Variants in BCKDHB observed in about 807,000 individuals in gnomAD.
The protein encoded by BCKDHB is 2-oxoisovalerate dehydrogenase subunit beta, mitochondrial.
Under a neutral mutation model 48.5 loss-of-function variants are expected in BCKDHB, and 41 were observed. The ratio of observed to expected loss-of-function variants is 0.85; its 90% CI spans 0.66 to 1.10. The LOEUF (loss-of-function observed/expected upper bound fraction) is 1.10, where lower values mean the gene tolerates loss of function less well. Ranked by LOEUF, BCKDHB falls within the 50% of genes least tolerant of loss-of-function variation. BCKDHB has a pLI of 0.00. For missense variants in BCKDHB, 496 were observed against 494.2 expected (o/e 1.00, Z -0.03); for synonymous variants, 201 against 174.8 (o/e 1.15, Z -1.18).
the BCKDHB span, among the ~76,000 whole-genome samples, chr6:80,354,205 A>T: frequency 0.21 from 31,187 of 151,524 alleles, 3,711 homozygotes; most frequent in South Asian, 0.37. Flanking sequence ...TTTAATTATA[A>T]CCCATTTGTC....
chr6:80,231,693 G>A (rs1775930522), intron 8 of BCKDHB, among the ~76,000 whole-genome samples: 1 of 152,182 alleles, frequency 6.6e-6, no homozygotes, highest in Non-Finnish European at 1.5e-5. Context: ...GGGGCCAGGC[G>A]CAGTGGCTTA....
At chr6:80,129,968 G>C (rs531130950) in intron 3 of BCKDHB, among the ~76,000 whole-genome samples, 99 of 152,136 alleles carry the variant, frequency 6.5e-4, no homozygotes, top group Non-Finnish European at 1.3e-3. Flanking sequence ...TGGTCAAGTT[G>C]ACATATAATG....
the BCKDHB span, among the ~76,000 whole-genome samples, chr6:80,444,619 C>A: frequency 1.3e-5 from 2 of 152,120 alleles, no homozygotes; most frequent in Non-Finnish European, 2.9e-5. Flanking sequence ...GTCTTCATCC[C>A]AGCAGGTGCA....
the BCKDHB span, among the ~76,000 whole-genome samples, chr6:80,397,115 T>TA: frequency 1.3e-5 from 2 of 152,190 alleles, no homozygotes; most frequent in African/African-American, 2.4e-5. Context: ...TATTATAATT[T>TA]ACCTGAGTTT....
chr6:80,144,896 T>C (rs1198860765), intron 3 of BCKDHB, among the ~76,000 whole-genome samples: 1 of 152,138 alleles, frequency 6.6e-6, no homozygotes, highest in Non-Finnish European at 1.5e-5. Flanking sequence ...TAAATTGTCT[T>C]GTAGCAGTAT....
chr6:80,152,575 G>A (rs900961949), intron 3 of BCKDHB, among the ~76,000 whole-genome samples: 3 of 152,138 alleles, frequency 2.0e-5, no homozygotes, highest in African/African-American at 7.2e-5. Context: ...TTTCATTCAT[G>A]ACAGGGTGAT....
chr6:80,367,875 T>C, the BCKDHB span, among the ~76,000 whole-genome samples: 1 of 152,260 alleles, frequency 6.6e-6, no homozygotes, highest in Non-Finnish European at 1.5e-5. Flanking sequence ...CTCATGCATG[T>C]GGTCCATTGC....
rs573111477 is a variant in BCKDHB at position 80,133,609 on chromosome 6, G to A, written c.343+4380G>A. 5.3e-5 allele frequency among the ~76,000 whole-genome samples: 8 copies of A among 152,168 alleles called. No homozygotes were observed. The South Asian group carries it at 1.7e-3, about 32-fold the overall frequency. On this transcript the variant is annotated intron_variant, in intron 3 of 9. Coordinates refer to ENST00000320393, the MANE Select transcript of BCKDHB (RefSeq NM_183050.4). ...TAAAGGTAGTTGATTTGTAGGGTAT[G>A]TGTGATTTTATGTTGAATGCCACAC... is the stretch of plus-strand genomic sequence containing the variant.
chr6:80,447,563 G>T, the BCKDHB span, among the ~76,000 whole-genome samples: 1 of 151,878 alleles, frequency 6.6e-6, no homozygotes, highest in East Asian at 1.9e-4. Flanking sequence ...TTAAGATAAT[G>T]AGCATATTCA....
chr6:80,196,869 T>TA (rs1774154310), intron 6 of BCKDHB, among the ~76,000 whole-genome samples: 1 of 152,150 alleles, frequency 6.6e-6, no homozygotes, highest in African/African-American at 2.4e-5. Flanking sequence ...CAATATACAT[T>TA]AAAAAAATCT....
the BCKDHB span, among the ~76,000 whole-genome samples, chr6:80,353,040 C>A: frequency 6.6e-6 from 1 of 152,196 alleles, no homozygotes; most frequent in African/African-American, 2.4e-5. Context: ...AGTGATTTCT[C>A]ATCATTCACT....
At chr6:80,323,296 C>T (rs1768844285) in intron 9 of BCKDHB, among the ~76,000 whole-genome samples, 1 of 151,986 alleles carries the variant, frequency 6.6e-6, no homozygotes, top group Admixed American at 6.6e-5. Context: ...CTATTAATGC[C>T]TTTTGAAGTA....
chr6:80,233,975 G>T (rs569138166), intron 8 of BCKDHB, among the ~76,000 whole-genome samples: 1 of 151,876 alleles, frequency 6.6e-6, no homozygotes, highest in East Asian at 2.0e-4. Flanking sequence ...ATGGTTTCGA[G>T]ATGAAACTGT....
chr6:80,457,589 C>G, the BCKDHB span, among the ~76,000 whole-genome samples: 1 of 152,202 alleles, frequency 6.6e-6, no homozygotes, highest in Admixed American at 6.5e-5. Flanking sequence ...CTCTTTGGAA[C>G]AGCTCAGCAC....
chr6:80,405,918 C>A, the BCKDHB span, among the ~76,000 whole-genome samples: 1 of 152,174 alleles, frequency 6.6e-6, no homozygotes, highest in Non-Finnish European at 1.5e-5. Flanking sequence ...TGTTGGCTTG[C>A]TGCGCCCATC....
chr6:80,188,510 A>G (rs982668583), intron 6 of BCKDHB, among the ~76,000 whole-genome samples: 1 of 151,856 alleles, frequency 6.6e-6, no homozygotes, highest in Admixed American at 6.6e-5. Flanking sequence ...GTGGTGGTGT[A>G]CTCCCATAGT....
chr6:80,427,142 GAA>G, the BCKDHB span, among the ~76,000 whole-genome samples: 1 of 151,942 alleles, frequency 6.6e-6, no homozygotes, highest in Non-Finnish European at 1.5e-5. Flanking sequence ...ACCTTCATCT[GAA>G]ATTAATATAG....
chr6:80,310,975 T>G (rs1170275592), intron 9 of BCKDHB, among the ~76,000 whole-genome samples: 2 of 152,212 alleles, frequency 1.3e-5, no homozygotes, highest in East Asian at 3.8e-4. Flanking sequence ...TTTGTTTAAG[T>G]TCCTTATAAA....
intron 9 of BCKDHB, among the ~76,000 whole-genome samples, chr6:80,293,406 A>G (rs1324653411): frequency 6.6e-6 from 1 of 152,218 alleles, no homozygotes; most frequent in African/African-American, 2.4e-5. Context: ...CCACAGCCCA[A>G]GCTGTGCCTT....
Sources: gnomAD v4.1 joint callset for allele counts (sites outside exome capture counted in the v4.1 genomes callset) on GRCh38, gnomAD v4.1.1 for gene constraint, MANE v1.5 for transcripts, NCBI Gene and HGNC (gene_info 2026-07-23, HGNC 2026-07-21) for gene names.